C2CD2: variants seen among roughly 807,000 people sequenced by gnomAD.
C2CD2 encodes the protein C2 domain-containing protein 2.
C2CD2 carries 43 observed loss-of-function variants against 74.3 expected under a neutral mutation model. The ratio of observed to expected loss-of-function variants is 0.58; its 90% CI spans 0.45 to 0.75. C2CD2 has a LOEUF of 0.75. Ranked by LOEUF, C2CD2 falls within the 30% of genes least tolerant of loss-of-function variation. The pLI, the probability that C2CD2 is intolerant of heterozygous loss-of-function variation, is 0.00. For missense variants in C2CD2, 801 were observed against 916.3 expected (o/e 0.87, Z 1.63); for synonymous variants, 422 against 390.7 (o/e 1.08, Z -0.94).
chr21:41,924,029 C>T lies in C2CD2; in HGVS notation c.379-1944G>A, dbSNP rs985378151. Among the ~76,000 whole-genome samples the T allele has an allele frequency of 4.6e-5, 7 of 152,180 alleles. No individual in the cohort carries two copies. The highest frequency in any genetic ancestry group is 9.7e-5 in the African/African-American group (4 of 41,436). ...AGCTGAGGGTAAGTCAGACTGACCT[C>T]CTCATTCCCAAAAGAACCACTGACT... On this transcript the variant is annotated intron_variant, in intron 2 of 13. Transcript: ENST00000380486. The surrounding 1 kb of genome is among the most constrained non-coding windows in gnomAD (Gnocchi z 4.4).
intron 13 of C2CD2, among the ~76,000 whole-genome samples, chr21:41,896,707 C>CAAAAAAAAAAAA (rs71332341): frequency 1.4e-5 from 1 of 73,702 alleles, no homozygotes; most frequent in African/African-American, 5.2e-5. Flanking sequence ...GTTCTTAAAC[C>CAAAAAAAAAAAA]AAAAAAAAAA....
At chr21:41,922,151 C>T in intron 2 of C2CD2, 66 bp from the exon 3 acceptor site, 3 of 763,408 alleles carry the variant, frequency 3.9e-6, no homozygotes, top group Admixed American at 2.6e-5. Flanking sequence ...GCATACGCAT[C>T]TTCTTCTTCT....
intron 2 of C2CD2, among the ~76,000 whole-genome samples, chr21:41,934,572 A>G (rs979020876): frequency 6.6e-6 from 1 of 152,164 alleles, no homozygotes; most frequent in African/African-American, 2.4e-5. Context: ...ACTCTTTCTC[A>G]AGTACCTCTA....
chr21:41,897,565 A>C (rs1408781641), intron 13 of C2CD2, among the ~76,000 whole-genome samples: 1 of 152,200 alleles, frequency 6.6e-6, no homozygotes, highest in Non-Finnish European at 1.5e-5. Flanking sequence ...GGGTCCATGC[A>C]TCAAGCACCC....
intron 1 of C2CD2, among the ~76,000 whole-genome samples, chr21:41,944,063 C>T (rs756671085): frequency 3.3e-5 from 5 of 152,172 alleles, no homozygotes; most frequent in African/African-American, 7.2e-5. Context: ...ACATGCCAGC[C>T]GCTCGGAGGA....
rs868088516 is a variant in C2CD2, at chr21:41,885,629, C to T, written c.*3495G>A. 1 of 152,652 alleles carries T rather than the reference C, an allele frequency of 6.6e-6. No homozygotes were observed. Among genetic ancestry groups the T allele is most frequent in the Non-Finnish European group, 1.5e-5 (1 of 68,060 alleles). The allele number at this position is 152,652 out of a possible 1,614,324, so 9.5% of individuals were successfully genotyped here. A position where few individuals can be genotyped will look rare whatever the true frequency, so the allele number is the denominator to read the frequency against. On this transcript the variant is annotated 3_prime_UTR_variant, in exon 14 of 14. Transcript: ENST00000380486. ...GCCCCGAGGTCTGTTTTCCGTCAGA[C>T]AGAGATACGTGTCCTGCCTTCCACC...
At chr21:41,890,745 C>T (rs200893922) in intron 13 of C2CD2, among the ~76,000 whole-genome samples, 1 of 152,228 alleles carries the variant, frequency 6.6e-6, no homozygotes, top group South Asian at 2.1e-4. Flanking sequence ...CGAAGAATAT[C>T]AATTCCCTCT....
chr21:41,889,230 G>A lies in C2CD2; in HGVS notation c.1985C>T (p.Ser662Phe). ...DLVFLEQPEG[S>F]RRKGITLTRI... ...GGTGAGGGTGATGCCTTTCCTCCGG[G>A]AACCCTCTGGCTGCTCCAGGAACAC... Residue 662 changes from serine (S) to phenylalanine (F), a missense_variant, in exon 14 of 14, where the codon TCC becomes TTC. Transcript: ENST00000380486. The A allele has an allele frequency of 6.2e-7, 1 of 1,613,860 alleles. No individual in the cohort carries two copies. Among genetic ancestry groups the A allele is most frequent in the Non-Finnish European group, 8.5e-7 (1 of 1,180,008 alleles).
At chr21:41,914,822 G>C (rs1272241435) in intron 5 of C2CD2, 101 bp from the exon 6 acceptor site, 13 of 1,003,392 alleles carry the variant, frequency 1.3e-5, no homozygotes, top group Admixed American at 2.3e-5. Flanking sequence ...TGGCAGTGGG[G>C]TGTCTACAGG....
At chr21:41,894,610 G>A in intron 13 of C2CD2, 1 of 455,034 alleles carries the variant, frequency 2.2e-6, no homozygotes, top group South Asian at 1.6e-5. Flanking sequence ...ATGGAGCAAA[G>A]CCCCCTAATC....
chr21:41,937,899 A>G (rs1296917100), intron 2 of C2CD2, among the ~76,000 whole-genome samples: 2 of 152,232 alleles, frequency 1.3e-5, no homozygotes, highest in South Asian at 4.1e-4. Context: ...AGAATCTTAA[A>G]AAGTTAAACT....
intron 8 of C2CD2, 121 bp downstream of exon 8, chr21:41,909,338 T>C (rs2064999957): frequency 1.6e-6 from 1 of 627,222 alleles, no homozygotes; most frequent in Admixed American, 2.5e-5. Flanking sequence ...AAAACCAAAG[T>C]CATTTAGAGG....
rs371771270 is a variant in C2CD2 at position 41,942,121 on chromosome 21, T to G, written c.378+26A>C. ...CCCCGGCATCAAGTTCACCTCTTCCTGCAGGGAATGGGCTCCTGGGCTCAC... is the reference window on the plus strand; with the variant it reads ...CCCCGGCATCAAGTTCACCTCTTCCGGCAGGGAATGGGCTCCTGGGCTCAC... On this transcript the variant is annotated intron_variant, in intron 2 of 13. Transcript: ENST00000380486. 1,212 of 1,548,194 alleles carry G rather than the reference T, an allele frequency of 7.8e-4. 18 individuals are homozygous for G. In the South Asian group the frequency reaches 0.014, roughly 18 times the overall value.
intron 2 of C2CD2, among the ~76,000 whole-genome samples, chr21:41,937,140 C>T (rs951757479): frequency 6.1e-5 from 9 of 147,386 alleles, no homozygotes; most frequent in East Asian, 6.0e-4. Flanking sequence ...TTTTTTGAGA[C>T]GGCATCTCAC....
chr21:41,902,472 C>G (rs1296507312), intron 11 of C2CD2, among the ~76,000 whole-genome samples: 17 of 152,200 alleles, frequency 1.1e-4, no homozygotes, highest in Non-Finnish European at 2.5e-4. Flanking sequence ...TTCCTTTTAT[C>G]CCATTTGACC....
intron 2 of C2CD2, among the ~76,000 whole-genome samples, chr21:41,925,321 T>TAAAA (rs61121128): frequency 6.8e-6 from 1 of 147,676 alleles, no homozygotes. Context: ...CTCCATCTCT[T>TAAAA]AAAAAAAAAA....
intron 7 of C2CD2, among the ~76,000 whole-genome samples, chr21:41,910,022 T>G (rs1448322935): frequency 6.8e-6 from 1 of 146,024 alleles, no homozygotes. Context: ...AAAGTAGAGA[T>G]GAAGTCTTGC....
At chr21:41,915,687 G>A (rs1374113142) in intron 5 of C2CD2, among the ~76,000 whole-genome samples, 3 of 152,104 alleles carry the variant, frequency 2.0e-5, no homozygotes, top group East Asian at 1.9e-4. Context: ...TGATCCGCAC[G>A]CCTCAGCCTC....
chr21:41,917,043 G>A (rs1187791960), intron 5 of C2CD2, among the ~76,000 whole-genome samples: 3 of 152,156 alleles, frequency 2.0e-5, no homozygotes, highest in Non-Finnish European at 4.4e-5. Context: ...AGTGCCCCCA[G>A]GCCTCAGGCC....
Sources: allele counts gnomAD v4.1 joint callset (sites outside exome capture counted in the v4.1 genomes callset), GRCh38; gene constraint gnomAD v4.1.1; non-coding constraint Gnocchi (gnomAD v3.1); transcripts MANE v1.5; gene names NCBI Gene and HGNC (gene_info 2026-07-23, HGNC 2026-07-21).